Variants in BCKDHB observed in about 807,000 individuals in gnomAD.
BCKDHB encodes the protein branched chain keto acid dehydrogenase E1 subunit beta.
Under a neutral mutation model 48.5 loss-of-function variants are expected in BCKDHB, and 41 were observed. The ratio of observed to expected loss-of-function variants is 0.85; its 90% CI spans 0.66 to 1.10. BCKDHB has a LOEUF of 1.10. Ranked by LOEUF, BCKDHB falls within the 50% of genes least tolerant of loss-of-function variation. BCKDHB has a pLI of 0.00. For synonymous variants in BCKDHB, 201 were observed against 174.8 expected, an observed-to-expected ratio of 1.15 and a Z score of -1.18; for missense variants, 496 against 494.2, an observed-to-expected ratio of 1.00 and a Z score of -0.03.
intron 9 of BCKDHB, among the ~76,000 whole-genome samples, chr6:80,340,721 A>G (rs575491730): frequency 6.6e-6 from 1 of 151,264 alleles, no homozygotes; most frequent in African/African-American, 2.4e-5. Flanking sequence ...ATGGAGAGAT[A>G]CTTTGTCTTC....
chr6:80,135,828 C>T (rs1327359477), intron 3 of BCKDHB: 2 of 152,258 alleles, frequency 1.3e-5, no homozygotes, highest in East Asian at 3.9e-4. Context: ...AATAACTCCC[C>T]ATTTTCTCTC....
At chr6:80,398,588 A>G in the BCKDHB span, among the ~76,000 whole-genome samples, 1 of 152,110 alleles carries the variant, frequency 6.6e-6, no homozygotes, top group Non-Finnish European at 1.5e-5. Flanking sequence ...CAATAAAATC[A>G]GCAATAAATA....
intron 1 of BCKDHB, 85 bp downstream of exon 1, chr6:80,106,974 G>T: frequency 1.3e-6 from 2 of 1,496,766 alleles, no homozygotes; most frequent in Non-Finnish European, 1.8e-6. Flanking sequence ...GGGCCGGCAG[G>T]CTGCAATCCT....
At chr6:80,124,517 T>A (rs1255299205) in intron 1 of BCKDHB, among the ~76,000 whole-genome samples, 5 of 152,178 alleles carry the variant, frequency 3.3e-5, no homozygotes, top group African/African-American at 4.8e-5. Context: ...AATATTATTG[T>A]ATGGGAGTCT....
At chr6:80,202,963 A>G (rs1774465542) in intron 7 of BCKDHB, 139 bp from the exon 8 acceptor site, 2 of 699,606 alleles carry the variant, frequency 2.9e-6, no homozygotes, top group Non-Finnish European at 5.1e-6. Context: ...AACATATTTA[A>G]AACAAATTTA....
chr6:80,437,328 C>A, the BCKDHB span, among the ~76,000 whole-genome samples: 1 of 152,152 alleles, frequency 6.6e-6, no homozygotes, highest in Non-Finnish European at 1.5e-5. Context: ...CTTAAGATTA[C>A]TCATGTATGC....
intron 9 of BCKDHB, 133 bp downstream of exon 9, chr6:80,273,354 G>C: frequency 1.4e-6 from 1 of 712,202 alleles, no homozygotes; most frequent in Non-Finnish European, 2.3e-6. Context: ...TTCATATACT[G>C]TGATAAGTAA....
At chr6:80,363,551 CTA>C in the BCKDHB span, among the ~76,000 whole-genome samples, 2 of 152,180 alleles carry the variant, frequency 1.3e-5, no homozygotes, top group Admixed American at 1.3e-4. Context: ...TTTGAATTTT[CTA>C]TGATTTTGTA....
intron 1 of BCKDHB, among the ~76,000 whole-genome samples, chr6:80,108,532 C>A: frequency 7.2e-6 from 1 of 138,772 alleles, no homozygotes; most frequent in African/African-American, 2.8e-5. Flanking sequence ...AACATATTAA[C>A]AGATAATTTG....
In BCKDHB at chr6:80,256,892, A is replaced by G. The variant is rs561590417; in HGVS notation, c.952-16243A>G. Among the ~76,000 whole-genome samples the G allele has an allele frequency of 7.2e-5, 11 of 152,312 alleles. 1 individual carries two copies. The East Asian group carries it at 1.9e-3, about 27-fold the overall frequency. Reference sequence around the variant, plus strand: ...CATATGGTTCAAAACAGAGACTCCTAATTAGACAATTATTGAGCAACAGGA... The same window carrying G: ...CATATGGTTCAAAACAGAGACTCCTGATTAGACAATTATTGAGCAACAGGA... On this transcript the variant is annotated intron_variant, in intron 8 of 9. Coordinates refer to ENST00000320393, the MANE Select transcript of BCKDHB (RefSeq NM_183050.4).
chr6:80,140,990 T>C (rs1180187552), intron 3 of BCKDHB, among the ~76,000 whole-genome samples: 3 of 152,202 alleles, frequency 2.0e-5, no homozygotes, highest in African/African-American at 7.2e-5. Flanking sequence ...GCTCCTGTTA[T>C]TGGTCTATTC....
At chr6:80,315,128 AT>A (rs1014435590) in intron 9 of BCKDHB, among the ~76,000 whole-genome samples, 2 of 152,042 alleles carry the variant, frequency 1.3e-5, no homozygotes, top group Non-Finnish European at 2.9e-5. Flanking sequence ...AGCTCCCTAG[AT>A]TTAGCCGCCT....
chr6:80,342,418 C>T (rs1392951553), intron 9 of BCKDHB, among the ~76,000 whole-genome samples: 2 of 151,342 alleles, frequency 1.3e-5, no homozygotes, highest in African/African-American at 4.9e-5. Context: ...ATTTTTTAAG[C>T]CTTTAAACGT....
rs547721913 is a variant in BCKDHB, at chr6:80,344,387, C to T, written c.*583C>T. The stretch of plus-strand genomic sequence containing the variant: ...TTTGAGACCGAGTCTCACTCTGTCA[C>T]CAGGCTGGAGTGCAGTGGTGCGATC... On this transcript the variant is annotated 3_prime_UTR_variant, in exon 10 of 10. Transcript: ENST00000320393. 3.8e-4 allele frequency: 58 copies of T among 154,314 alleles called. No homozygotes were observed. Among genetic ancestry groups the T allele is most frequent in the African/African-American group, 1.4e-3 (56 of 39,788 alleles). 9.6% of individuals were successfully genotyped at this position (154,314 alleles called of 1,614,324 possible).
intron 3 of BCKDHB, among the ~76,000 whole-genome samples, chr6:80,162,451 A>T (rs1190966681): frequency 6.6e-6 from 1 of 152,130 alleles, no homozygotes; most frequent in African/African-American, 2.4e-5. Context: ...GGTTCCAGTT[A>T]TTATTCCTTC....
rs543170690 is a variant in BCKDHB, at chr6:80,265,746, T to C, written c.952-7389T>C. 3.3e-5 allele frequency among the ~76,000 whole-genome samples: 5 copies of C among 152,186 alleles called. No homozygotes were observed. The South Asian group carries it at 1.0e-3, about 32-fold the overall frequency. On this transcript the variant is annotated intron_variant, in intron 8 of 9. Transcript: ENST00000320393. ...TTTCAGTCAGCTTGTAATTATAACC[T>C]GAATGCTAAACTTGGAACAATATAA...
In BCKDHB at chr6:80,273,087, A is replaced by G. The variant is rs765905155; in HGVS notation, c.952-48A>G. The G allele has an allele frequency of 6.5e-6, 9 of 1,390,772 alleles. No homozygotes were observed. The East Asian group carries it at 1.7e-4, about 26-fold the overall frequency. The allele number at this position is 1,390,772 out of a possible 1,614,324, so 86.2% of individuals were successfully genotyped here. A position where few individuals can be genotyped will look rare whatever the true frequency, so the allele number is the denominator to read the frequency against. Reference sequence around the variant, plus strand: ...CTGATTTAAAACTACCATCATATATATAAAATAGATATTCTTTTTAACATC... The same window carrying G: ...CTGATTTAAAACTACCATCATATATGTAAAATAGATATTCTTTTTAACATC... On this transcript the variant is annotated intron_variant, in intron 8 of 9. Transcript: ENST00000320393.
chr6:80,254,145 G>A (rs989566974), intron 8 of BCKDHB, among the ~76,000 whole-genome samples: 4 of 151,600 alleles, frequency 2.6e-5, no homozygotes, highest in East Asian at 1.9e-4. Flanking sequence ...CCCAAAAGGT[G>A]AAAATTTCCC....
intron 9 of BCKDHB, among the ~76,000 whole-genome samples, chr6:80,333,150 C>T (rs765610882): frequency 1.1e-4 from 16 of 152,168 alleles, no homozygotes; most frequent in Middle Eastern, 3.4e-3. Flanking sequence ...ACAGAATTCC[C>T]CTTGTATCCA....
Sources: gnomAD v4.1 joint callset for allele counts (sites outside exome capture counted in the v4.1 genomes callset) on GRCh38, gnomAD v4.1.1 for gene constraint, MANE v1.5 for transcripts, NCBI Gene and HGNC (gene_info 2026-07-23, HGNC 2026-07-21) for gene names.